IL9: variants seen among roughly 807,000 people sequenced by gnomAD.
IL9 encodes interleukin-9.
IL9 carries 16 observed loss-of-function variants against 12.9 expected under a neutral mutation model. The observed-to-expected ratio is 1.24, with a 90% CI of 0.84 to 1.88. The LOEUF (loss-of-function observed/expected upper bound fraction) is 1.88, where lower values mean the gene tolerates loss of function less well. Among genes scored for constraint, IL9 ranks in the 40% most tolerant of loss-of-function variants. The pLI, the probability that IL9 is intolerant of heterozygous loss-of-function variation, is 0.00. For synonymous variants in IL9, 69 were observed against 63.8 expected, an observed-to-expected ratio of 1.08 and a Z score of -0.39; for missense variants, 170 against 173.1, an observed-to-expected ratio of 0.98 and a Z score of 0.10.
rs201509284 is a variant in IL9, at chr5:135,892,464, G to A, written c.362C>T (p.Ala121Val). The A allele has an allele frequency of 3.1e-5, 50 of 1,612,860 alleles. No homozygotes were observed. The highest frequency in any genetic ancestry group is 6.6e-5 in the South Asian group (6 of 90,938). The change falls in exon 5 of 5, where the codon GCG becomes GTG. Residue 121 changes from alanine (A) to valine (V), a missense_variant. Transcript: ENST00000274520. ...CAGAAGACTCTTCAGAAATGTCAGC[G>A]CGTTGCCTGCCGTGGTTTGGTTGCA... Reference protein sequence around the residue: ...QPCNQTTAGNALTFLKSLLEI... With the variant: ...QPCNQTTAGNVLTFLKSLLEI...
chr5:135,894,861 T>C (rs1383660398), intron 3 of IL9, among the ~76,000 whole-genome samples: 1 of 152,078 alleles, frequency 6.6e-6, no homozygotes, highest in Non-Finnish European at 1.5e-5. Flanking sequence ...CTCCTTCCAC[T>C]CACAACCTCA....
Position 135,892,420 on chromosome 5 carries a change from T to C in IL9, c.406A>G (p.Lys136Glu). The C allele has an allele frequency of 6.2e-7, 1 of 1,611,176 alleles. No homozygotes were observed. The highest frequency in any genetic ancestry group is 8.5e-7 in the Non-Finnish European group (1 of 1,177,822). ...KSLLEIFQKE[K>E]MRGMRGKI ...ATCTTGCCTCTCATCCCTCTCATCT[T>C]TTCTTTCTGGAAAATTTCCAGAAGA... The change falls in exon 5 of 5, where the codon AAG becomes GAG. Residue 136 changes from lysine to glutamate, a missense_variant. Transcript: ENST00000274520.
intron 3 of IL9, among the ~76,000 whole-genome samples, chr5:135,894,976 G>T (rs1325294522): frequency 6.6e-6 from 1 of 152,158 alleles, no homozygotes; most frequent in Non-Finnish European, 1.5e-5. Flanking sequence ...GGGAGGGGGA[G>T]GTATAGCGCA....
At chr5:135,892,749 C>CAA (rs1171895383) in intron 4 of IL9, among the ~76,000 whole-genome samples, 1 of 117,774 alleles carries the variant, frequency 8.5e-6, no homozygotes, top group Non-Finnish European at 2.0e-5. Flanking sequence ...CACACACACA[C>CAA]ACACACACAC....
In IL9 at chr5:135,892,519, A is replaced by T. The variant is rs751590770; in HGVS notation, c.316-9T>A. 6.2e-6 allele frequency: 10 copies of T among 1,609,226 alleles called. No individual in the cohort carries two copies. Among genetic ancestry groups the T allele is most frequent in the East Asian group, 2.2e-5 (1 of 44,816 alleles). On this transcript the variant is annotated splice_polypyrimidine_tract_variant and intron_variant, in intron 4 of 4. Transcript: ENST00000274520. ...TGTTCACAGGAAAAATACTGTGGGG[A>T]TGAAAGTTGATAAGGACAGAGTGAC...
At position 135,895,592 on chromosome 5, in the gene IL9, T is replaced by A; in HGVS notation, c.115-2A>T. Reference sequence around the variant, plus strand: ...GTGGCACTTGGAAGCTGGATCTTCCTAAAGTAGATAGAGAGATAAGAACCT... The same window carrying A: ...GTGGCACTTGGAAGCTGGATCTTCCAAAAGTAGATAGAGAGATAAGAACCT... On this transcript the variant is annotated splice_acceptor_variant, in intron 1 of 4. Transcript: ENST00000274520. LOFTEE classifies it high-confidence loss of function. 1 of 1,614,104 alleles carries A rather than the reference T, an allele frequency of 6.2e-7. No homozygotes were observed. Among genetic ancestry groups the A allele is most frequent in the Non-Finnish European group, 8.5e-7 (1 of 1,179,896 alleles).
chr5:135,893,676 G>A (rs1248367832), intron 4 of IL9, among the ~76,000 whole-genome samples: 1 of 152,158 alleles, frequency 6.6e-6, no homozygotes, highest in Non-Finnish European at 1.5e-5. Context: ...CATCCATTCA[G>A]TTAGTACATT....
Position 135,894,096 on chromosome 5 carries a change from G to T in IL9, c.239C>A (p.Thr80Asn). The change falls in exon 4 of 5, where the codon ACC becomes AAC. Residue 80 changes from threonine to asparagine, a missense_variant. Transcript: ENST00000274520. ...AATCAGTGGGTATCTTGTTTGCATG[G>T]TGGTATTGGTCATCTGAGACAGTCT... Reference protein sequence around the residue: ...SERLSQMTNTTMQTRYPLIFS... With the variant: ...SERLSQMTNTNMQTRYPLIFS... 1.9e-6 allele frequency: 3 copies of T among 1,613,280 alleles called. No individual in the cohort carries two copies. Among genetic ancestry groups the T allele is most frequent in the Non-Finnish European group, 2.5e-6 (3 of 1,179,412 alleles).
intron 1 of IL9, 24 bp downstream of exon 1, chr5:135,895,679 C>T (rs986903538): frequency 6.8e-6 from 11 of 1,607,030 alleles, no homozygotes; most frequent in Non-Finnish European, 9.4e-6. Flanking sequence ...GCTGTCTTTC[C>T]CATGGGCTCC....
At chr5:135,892,670 G>GCTAGCT (rs1762885993) in intron 4 of IL9, among the ~76,000 whole-genome samples, 160 bp from the exon 5 acceptor site, 2 of 150,910 alleles carry the variant, frequency 1.3e-5, no homozygotes, top group South Asian at 4.2e-4. Flanking sequence ...GCAGGTCCAG[G>GCTAGCT]CTAGCTCATG....
intron 3 of IL9, among the ~76,000 whole-genome samples, chr5:135,894,417 C>G (rs1271030684): frequency 1.3e-5 from 2 of 152,180 alleles, no homozygotes; most frequent in Admixed American, 6.5e-5. Context: ...AAATAGTCGG[C>G]TCTGAATGTT....
chr5:135,893,937 C>A (rs1762907717), intron 4 of IL9, 83 bp downstream of exon 4: 3 of 1,181,778 alleles, frequency 2.5e-6, no homozygotes, highest in Admixed American at 2.7e-5. Context: ...ACTTTATCAT[C>A]CTTTTGTGTT....
chr5:135,892,477 T>C lies in IL9; in HGVS notation c.349A>G (p.Thr117Ala). ...FSCEQPCNQT[T>A]AGNALTFLKS... ...AGAAATGTCAGCGCGTTGCCTGCCG[T>C]GGTTTGGTTGCATGGCTGTTCACAG... Residue 117 changes from threonine (T) to alanine (A), a missense_variant, in exon 5 of 5, where the codon ACG becomes GCG. Physicochemically the swap from Thr to Ala is moderately conservative, Grantham distance 58 (BLOSUM62 0). Coordinates refer to ENST00000274520, the MANE Select transcript of IL9 (RefSeq NM_000590.2). The C allele has an allele frequency of 4.3e-6, 7 of 1,613,210 alleles. No individual in the cohort carries two copies. The highest frequency in any genetic ancestry group is 5.9e-6 in the Non-Finnish European group (7 of 1,179,686).
chr5:135,894,651 G>C (rs916857566), intron 3 of IL9, among the ~76,000 whole-genome samples: 1 of 152,216 alleles, frequency 6.6e-6, no homozygotes, highest in Non-Finnish European at 1.5e-5. Flanking sequence ...GATGGACCGC[G>C]ATGGGTGCGA....
chr5:135,895,528 G>A, intron 2 of IL9, 27 bp downstream of exon 2: 1 of 1,613,496 alleles, frequency 6.2e-7, no homozygotes, highest in Non-Finnish European at 8.5e-7. Flanking sequence ...AATTAATTTG[G>A]AAAGTTCTTA....
At position 135,892,733 on chromosome 5, in the gene IL9, TACACACACACACACAC is replaced by T. The variant is rs59978451; in HGVS notation, c.316-239_316-224del. 9.2e-4 allele frequency among the ~76,000 whole-genome samples: 127 copies of T among 137,870 alleles called. 2 individuals carry two copies. The South Asian group carries it at 0.024, about 26-fold the overall frequency. The allele number at this position is 137,870 out of a possible 152,430, so 90.4% of individuals were successfully genotyped here. ...CCTCAAATTGGATTTCAGGGGTCTT[TACACACACACACACAC>T]ACACACACACACACACACACACACA... On this transcript the variant is annotated intron_variant, in intron 4 of 4. Transcript: ENST00000274520.
At position 135,895,657 on chromosome 5, in the gene IL9, A is replaced by T. The variant is rs764010324; in HGVS notation, c.114+46T>A. The T allele has an allele frequency of 2.5e-6, 4 of 1,605,738 alleles. No homozygotes were observed. In the South Asian group the frequency reaches 3.3e-5, roughly 13 times the overall value. On this transcript the variant is annotated intron_variant, in intron 1 of 4. Transcript: ENST00000274520. ...GTTTTTTCATCCTCATACATATTTC[A>T]CTTTGTCAGTAGCTGTCTTTCCCAT... is the stretch of plus-strand genomic sequence containing the variant.
chr5:135,894,436 C>T (rs2069878), intron 3 of IL9, among the ~76,000 whole-genome samples: 3,563 of 152,232 alleles, frequency 0.023, 139 homozygotes, highest in African/African-American at 0.081. Context: ...TTCTTTTCAA[C>T]GGGTGCTTCC....
At chr5:135,894,299 G>A in intron 3 of IL9, 148 bp from the exon 4 acceptor site, 1 of 747,512 alleles carries the variant, frequency 1.3e-6, no homozygotes, top group South Asian at 1.9e-5. Context: ...TGCCAATGTA[G>A]GAAGTGATCT....
Sources: gnomAD v4.1 joint callset for allele counts (sites outside exome capture counted in the v4.1 genomes callset) on GRCh38, gnomAD v4.1.1 for gene constraint, MANE v1.5 for transcripts, NCBI Gene and HGNC (gene_info 2026-07-23, HGNC 2026-07-21) for gene names.